SPTLC2: variants seen among roughly 807,000 people sequenced by gnomAD.
SPTLC2 encodes the protein serine palmitoyltransferase 2.
In SPTLC2, 21 loss-of-function variants were observed where a neutral mutation model predicts 62.0. The observed-to-expected ratio is 0.34, with a 90% CI of 0.24 to 0.49. SPTLC2 has a LOEUF of 0.49. Among genes scored for constraint, SPTLC2 ranks in the 20% least tolerant of loss-of-function variants. The probability of loss-of-function intolerance (pLI) is 0.99; values close to 1 mark genes in which losing one functional copy is unlikely to be tolerated. For missense variants in SPTLC2, 511 were observed against 713.0 expected (o/e 0.72, Z 3.23); for synonymous variants, 261 against 261.8 (o/e 1.00, Z 0.03).
intron 2 of SPTLC2, among the ~76,000 whole-genome samples, chr14:77,594,503 A>G (rs4243656): frequency 0.42 from 63,347 of 152,084 alleles, 13,676 homozygotes; most frequent in African/African-American, 0.51. Context: ...GCTCACTCCT[A>G]TAATCCCAAC....
chr14:77,601,978 G>C (rs1249795072), intron 1 of SPTLC2, among the ~76,000 whole-genome samples: 1 of 152,086 alleles, frequency 6.6e-6, no homozygotes, highest in Non-Finnish European at 1.5e-5. Flanking sequence ...ACGTTCCTTT[G>C]GTGTCTGATC....
chr14:77,531,917 T>A (rs2079443036), intron 9 of SPTLC2, among the ~76,000 whole-genome samples: 1 of 152,168 alleles, frequency 6.6e-6, no homozygotes, highest in Admixed American at 6.5e-5. Flanking sequence ...AATACTTCAA[T>A]AAGAATAAAA....
chr14:77,543,704 G>T (rs1228362378), intron 9 of SPTLC2, among the ~76,000 whole-genome samples: 5 of 152,152 alleles, frequency 3.3e-5, no homozygotes, highest in South Asian at 4.1e-4. Context: ...CATGACCACA[G>T]ATCTCTGAAT....
intron 1 of SPTLC2, among the ~76,000 whole-genome samples, chr14:77,608,139 A>T (rs1386162788): frequency 6.6e-6 from 1 of 152,184 alleles, no homozygotes; most frequent in Non-Finnish European, 1.5e-5. Context: ...AGCATATCAG[A>T]GTGTGCCAGA....
intron 9 of SPTLC2, among the ~76,000 whole-genome samples, chr14:77,533,783 A>T (rs1344085712): frequency 2.0e-5 from 3 of 152,212 alleles, no homozygotes; most frequent in South Asian, 4.1e-4. Flanking sequence ...CAAAAGTAAC[A>T]AAAAATATTC....
chr14:77,534,168 TCTCTCTCTCTCACACACACA>T (rs1170304625), intron 9 of SPTLC2, among the ~76,000 whole-genome samples: 2 of 91,792 alleles, frequency 2.2e-5, no homozygotes, highest in African/African-American at 8.1e-5. Context: ...TCTCTCTTTC[TCTCTCTCTCTCACACACACA>T]CACACACACA....
rs958268418 is a variant in SPTLC2 at position 77,510,178 on chromosome 14, T to C, written c.*2106A>G. ...TACTTTAACCTATACATGCTAAATA[T>C]AGTCTCTGCATCTCTCCTTGGTTCT... On this transcript the variant is annotated 3_prime_UTR_variant, in exon 12 of 12. Transcript: ENST00000216484. 5 of 376,288 alleles carry C rather than the reference T, an allele frequency of 1.3e-5. No individual in the cohort carries two copies. Among genetic ancestry groups the C allele is most frequent in the Non-Finnish European group, 2.3e-5 (5 of 212,888 alleles). The allele number at this position is 376,288 out of a possible 1,614,324, so 23.3% of individuals were successfully genotyped here. A position where few individuals can be genotyped will look rare whatever the true frequency, so the allele number is the denominator to read the frequency against.
intron 6 of SPTLC2, among the ~76,000 whole-genome samples, chr14:77,560,442 CACAAAAA>C (rs113830819): frequency 1.1e-4 from 16 of 151,584 alleles, no homozygotes; most frequent in Admixed American, 6.6e-4. Flanking sequence ...AAAAAGAAAA[CACAAAAA>C]ACAAAAAACA....
At chr14:77,583,043 T>C (rs2079760783) in intron 2 of SPTLC2, among the ~76,000 whole-genome samples, 1 of 151,624 alleles carries the variant, frequency 6.6e-6, no homozygotes, top group African/African-American at 2.4e-5. Context: ...CTACAAAAAA[T>C]ACAAAAATTA....
At chr14:77,555,592 C>A (rs2079578951) in intron 7 of SPTLC2, 73 bp from the exon 8 acceptor site, 3 of 1,423,714 alleles carry the variant, frequency 2.1e-6, no homozygotes, top group Non-Finnish European at 1.9e-6. Context: ...GGGAGTTTGG[C>A]ACTTCATTAT....
At chr14:77,522,303 C>T (rs753222537) in intron 9 of SPTLC2, among the ~76,000 whole-genome samples, 8 of 152,016 alleles carry the variant, frequency 5.3e-5, no homozygotes, top group Non-Finnish European at 8.8e-5. Flanking sequence ...GCTGGGGTTA[C>T]GGGTGCACAT....
At chr14:77,586,061 T>C (rs960795948) in intron 2 of SPTLC2, among the ~76,000 whole-genome samples, 1 of 146,082 alleles carries the variant, frequency 6.8e-6, no homozygotes, top group Non-Finnish European at 1.5e-5. Context: ...ATGAACGTGA[T>C]AAATTTTTTC....
intron 9 of SPTLC2, among the ~76,000 whole-genome samples, chr14:77,548,835 C>T (rs2140014898): frequency 6.6e-6 from 1 of 152,316 alleles, no homozygotes; most frequent in East Asian, 1.9e-4. Flanking sequence ...CCCTTACATG[C>T]TGCAGCTTTT....
chr14:77,606,373 C>CTGTGTGTGTGTGTGTGTGTG (rs59065946), intron 1 of SPTLC2, among the ~76,000 whole-genome samples: 2 of 148,238 alleles, frequency 1.3e-5, no homozygotes, highest in African/African-American at 5.0e-5. Flanking sequence ...AGGGAGGGGA[C>CTGTGTGTGTGTGTGTGTGTG]TGTGTGTGTG....
At chr14:77,528,564 G>A (rs1366133600) in intron 9 of SPTLC2, among the ~76,000 whole-genome samples, 3 of 151,970 alleles carry the variant, frequency 2.0e-5, no homozygotes, top group African/African-American at 7.3e-5. Flanking sequence ...TATTCTCAAA[G>A]CAGGTAAAAG....
At chr14:77,539,483 CTTTTTT>C (rs71128638) in intron 9 of SPTLC2, among the ~76,000 whole-genome samples, 4 of 53,468 alleles carry the variant, frequency 7.5e-5, no homozygotes, top group East Asian at 1.0e-3. Context: ...TCTTAAGAGG[CTTTTTT>C]TTTTTTTTTT....
At chr14:77,566,529 A>T (rs1241660393) in intron 5 of SPTLC2, among the ~76,000 whole-genome samples, 5 of 152,018 alleles carry the variant, frequency 3.3e-5, no homozygotes, top group African/African-American at 1.2e-4. Context: ...GCATCGGCGC[A>T]ATCTCGGCTC....
intron 1 of SPTLC2, among the ~76,000 whole-genome samples, chr14:77,604,038 G>A (rs889394545): frequency 6.6e-6 from 1 of 152,212 alleles, no homozygotes; most frequent in Non-Finnish European, 1.5e-5. Flanking sequence ...GTTTTGTGGT[G>A]CACACCACTG....
At chr14:77,616,352 A>T in intron 1 of SPTLC2, 96 bp downstream of exon 1, 1 of 739,656 alleles carries the variant, frequency 1.4e-6, no homozygotes, top group Non-Finnish European at 1.8e-6. Flanking sequence ...CGCCCCGCGG[A>T]TTGCCCAGCG....
Sources: gnomAD v4.1 joint callset for allele counts (sites outside exome capture counted in the v4.1 genomes callset) on GRCh38, gnomAD v4.1.1 for gene constraint, MANE v1.5 for transcripts, NCBI Gene and HGNC (gene_info 2026-07-23, HGNC 2026-07-21) for gene names.